Variants in FGF12 observed in about 807,000 individuals in gnomAD.
The protein encoded by FGF12 is fibroblast growth factor 12B.
FGF12 carries 14 observed loss-of-function variants against 23.6 expected under a neutral mutation model. The observed-to-expected ratio is 0.59, with a 90% CI of 0.39 to 0.93. The LOEUF is 0.93. Ranked by LOEUF, FGF12 falls within the 40% of genes least tolerant of loss-of-function variation. The probability of loss-of-function intolerance (pLI) is 0.00; values close to 1 mark genes in which losing one functional copy is unlikely to be tolerated. For missense variants in FGF12, 175 were observed against 217.8 expected (o/e 0.80, Z 1.24); for synonymous variants, 62 against 77.3 (o/e 0.80, Z 1.04).
At chr3:192,400,513 C>A (rs1720716960) in intron 2 of FGF12, among the ~76,000 whole-genome samples, 1 of 151,866 alleles carries the variant, frequency 6.6e-6, no homozygotes, top group Non-Finnish European at 1.5e-5. Context: ...GGATTACAGG[C>A]ACCCACCACC....
intron 4 of FGF12, among the ~76,000 whole-genome samples, chr3:192,252,644 G>A (rs1049784718): frequency 1.4e-4 from 21 of 151,774 alleles, no homozygotes; most frequent in East Asian, 1.4e-3. Flanking sequence ...ACTTTCTGCC[G>A]CCAACTCTTT....
rs182758030 is a variant in FGF12 at position 192,559,302 on chromosome 3, T to C, written c.13+167879A>G. ...AATGTTTTAAGAATTGGCAAAGGACTTGAGTAGACATTTCTCCAAAGAAGA... is the reference window on the plus strand; with the variant it reads ...AATGTTTTAAGAATTGGCAAAGGACCTGAGTAGACATTTCTCCAAAGAAGA... On this transcript the variant is annotated intron_variant, in intron 2 of 5. Coordinates refer to ENST00000445105, the MANE Select transcript of FGF12 (RefSeq NM_004113.6). Among the ~76,000 whole-genome samples the C allele has an allele frequency of 1.7e-3, 265 of 152,056 alleles. 2 individuals are homozygous for C. Among genetic ancestry groups the C allele is most frequent in the African/African-American group, 6.3e-3 (260 of 41,554 alleles).
chr3:192,379,520 A>G (rs1315533991), intron 2 of FGF12, among the ~76,000 whole-genome samples: 1 of 152,000 alleles, frequency 6.6e-6, no homozygotes, highest in African/African-American at 2.4e-5. Context: ...GACATGAGGG[A>G]CACTAAAAGA....
At chr3:192,194,955 G>A (rs889931363) in intron 4 of FGF12, among the ~76,000 whole-genome samples, 10 of 152,170 alleles carry the variant, frequency 6.6e-5, no homozygotes. Flanking sequence ...AAGGGTTGTG[G>A]TAAAAGAAGC....
intron 2 of FGF12, among the ~76,000 whole-genome samples, chr3:192,492,533 G>A (rs888439702): frequency 4.0e-5 from 6 of 151,306 alleles, no homozygotes; most frequent in African/African-American, 7.3e-5. Flanking sequence ...CCCAAAGCAC[G>A]GTATACAAAA....
At chr3:192,182,962 A>G (rs1016835897) in intron 4 of FGF12, among the ~76,000 whole-genome samples, 9 of 152,192 alleles carry the variant, frequency 5.9e-5, no homozygotes, top group African/African-American at 2.2e-4. Flanking sequence ...TGTTTGTGTT[A>G]CTTGTTTGCT....
At chr3:192,245,520 A>G (rs570466068) in intron 4 of FGF12, among the ~76,000 whole-genome samples, 1 of 152,310 alleles carries the variant, frequency 6.6e-6, no homozygotes, top group Non-Finnish European at 1.5e-5. Flanking sequence ...ATATTTAATC[A>G]GGAAGTAATT....
At chr3:192,386,832 G>C (rs1003768634) in intron 2 of FGF12, among the ~76,000 whole-genome samples, 2 of 152,132 alleles carry the variant, frequency 1.3e-5, no homozygotes, top group Non-Finnish European at 2.9e-5. Flanking sequence ...TGGAATTAGA[G>C]TCAAAAGCTG....
At chr3:192,283,780 G>T (rs558786445) in intron 4 of FGF12, among the ~76,000 whole-genome samples, 1 of 152,020 alleles carries the variant, frequency 6.6e-6, no homozygotes, top group South Asian at 2.1e-4. Context: ...GTGGGAGAGT[G>T]GTCAGTCGGG....
chr3:192,690,541 T>C (rs1400054318), intron 2 of FGF12, among the ~76,000 whole-genome samples: 2 of 98,088 alleles, frequency 2.0e-5, no homozygotes, highest in Non-Finnish European at 4.2e-5. Context: ...CAAAAACTTA[T>C]AGTAGATGCA....
rs57713664 is a variant in FGF12, at chr3:192,334,996, T to C, written c.228+365A>G. 6.4e-3 allele frequency among the ~76,000 whole-genome samples: 977 copies of C among 152,158 alleles called. 15 individuals are homozygous for C. The highest frequency in any genetic ancestry group is 0.022 in the African/African-American group (928 of 41,512). On this transcript the variant is annotated intron_variant, in intron 4 of 5. Coordinates refer to ENST00000445105, the MANE Select transcript of FGF12 (RefSeq NM_004113.6). The stretch of plus-strand genomic sequence containing the variant: ...AGGACAGAGACTATTTCCAGACAAA[T>C]TGAAGAATTTTCCTCCCTGAGCCAT...
intron 5 of FGF12, among the ~76,000 whole-genome samples, chr3:192,168,043 GC>G (rs1715326587): frequency 6.6e-6 from 1 of 151,748 alleles, no homozygotes; most frequent in Admixed American, 6.6e-5. Flanking sequence ...GGGATTACAG[GC>G]GTGAGCCACC....
At chr3:192,286,741 GATTTTTGTTTAATTATCTTC>G in intron 4 of FGF12, among the ~76,000 whole-genome samples, 1 of 152,090 alleles carries the variant, frequency 6.6e-6, no homozygotes, top group Non-Finnish European at 1.5e-5. Flanking sequence ...TCTTGAGATT[GATTTTTGTTTAATTATCTTC>G]ATTTTTATCA....
At chr3:192,511,220 TGTACAC>T (rs1230679909) in intron 2 of FGF12, among the ~76,000 whole-genome samples, 5 of 58,508 alleles carry the variant, frequency 8.5e-5, no homozygotes, top group South Asian at 6.1e-4. Flanking sequence ...AGCAATTGTG[TGTACAC>T]ACACACACAC....
At chr3:192,331,554 T>C (rs908044881) in intron 4 of FGF12, among the ~76,000 whole-genome samples, 6 of 152,238 alleles carry the variant, frequency 3.9e-5, no homozygotes, top group Non-Finnish European at 5.9e-5. Flanking sequence ...CACAGATGAA[T>C]GTTGAGAACA....
At chr3:192,468,608 G>A (rs576681304) in intron 2 of FGF12, among the ~76,000 whole-genome samples, 8 of 152,284 alleles carry the variant, frequency 5.3e-5, no homozygotes, top group African/African-American at 9.6e-5. Context: ...TCATATCAAG[G>A]AGCTGATGTT....
chr3:192,180,034 T>G (rs1716085620), intron 4 of FGF12, among the ~76,000 whole-genome samples: 1 of 152,122 alleles, frequency 6.6e-6, no homozygotes, highest in African/African-American at 2.4e-5. Context: ...GTCATGAGGA[T>G]CTCTTACCTG....
intron 2 of FGF12, among the ~76,000 whole-genome samples, chr3:192,670,582 T>C (rs1717074300): frequency 6.6e-6 from 1 of 152,164 alleles, no homozygotes; most frequent in African/African-American, 2.4e-5. Flanking sequence ...ATGTATCCAT[T>C]GGGATAGATC....
intron 2 of FGF12, among the ~76,000 whole-genome samples, chr3:192,531,332 G>A (rs923729879): frequency 1.3e-5 from 2 of 152,180 alleles, no homozygotes; most frequent in African/African-American, 4.8e-5. Flanking sequence ...TCCCAGCTGT[G>A]TGTTAATGGA....
Sources: allele counts gnomAD v4.1 joint callset (sites outside exome capture counted in the v4.1 genomes callset), GRCh38; gene constraint gnomAD v4.1.1; transcripts MANE v1.5; gene names NCBI Gene and HGNC (gene_info 2026-07-23, HGNC 2026-07-21).